Variants in ANGPT1 observed in about 807,000 individuals in gnomAD.
ANGPT1 encodes the protein angiopoietin 1.
ANGPT1 carries 17 observed loss-of-function variants against 62.2 expected under a neutral mutation model. The ratio of observed to expected loss-of-function variants is 0.27; its 90% CI spans 0.19 to 0.41. The LOEUF is 0.41. Ranked by LOEUF, ANGPT1 falls within the 10% of genes least tolerant of loss-of-function variation. The probability of loss-of-function intolerance (pLI) is 1.00; values close to 1 mark genes in which losing one functional copy is unlikely to be tolerated. For synonymous variants in ANGPT1, 199 were observed against 198.9 expected, an observed-to-expected ratio of 1.00 and a Z score of 0.00; for missense variants, 478 against 594.9, an observed-to-expected ratio of 0.80 and a Z score of 2.04.
At chr8:107,371,273 C>T (rs1816405050) in intron 1 of ANGPT1, among the ~76,000 whole-genome samples, 1 of 152,186 alleles carries the variant, frequency 6.6e-6, no homozygotes. Flanking sequence ...CTAGAGTCTA[C>T]TGATGCAATT....
At chr8:107,491,317 C>T (rs536743398) in intron 1 of ANGPT1, among the ~76,000 whole-genome samples, 7 of 152,154 alleles carry the variant, frequency 4.6e-5, no homozygotes, top group South Asian at 2.1e-4. Context: ...ACTGCATCAA[C>T]GAGATAGACA....
At chr8:107,388,788 T>C (rs1246716652) in intron 1 of ANGPT1, among the ~76,000 whole-genome samples, 4 of 152,160 alleles carry the variant, frequency 2.6e-5, no homozygotes, top group Non-Finnish European at 5.9e-5. Flanking sequence ...TCCTGTGTTA[T>C]TTTCCTGCTG....
At chr8:107,404,556 C>A (rs180698039) in intron 1 of ANGPT1, among the ~76,000 whole-genome samples, 4 of 152,022 alleles carry the variant, frequency 2.6e-5, no homozygotes, top group Admixed American at 2.6e-4. Context: ...TCTCTCTCAA[C>A]TATTTTTTAG....
intron 3 of ANGPT1, among the ~76,000 whole-genome samples, chr8:107,329,290 G>A (rs1815365349): frequency 6.6e-6 from 1 of 152,010 alleles, no homozygotes; most frequent in Admixed American, 6.6e-5. Context: ...TATGGTGTAG[G>A]GGTGTGGAAT....
intron 1 of ANGPT1, among the ~76,000 whole-genome samples, chr8:107,479,370 T>A (rs1203101746): frequency 6.6e-6 from 1 of 152,182 alleles, no homozygotes; most frequent in Non-Finnish European, 1.5e-5. Context: ...TTTACTGTTA[T>A]GCTCTTTTCC....
At chr8:107,406,930 G>A (rs899083439) in intron 1 of ANGPT1, among the ~76,000 whole-genome samples, 3 of 150,546 alleles carry the variant, frequency 2.0e-5, no homozygotes, top group Non-Finnish European at 4.4e-5. Flanking sequence ...CCTCCTTTAG[G>A]AAATTCCTTA....
chr8:107,460,443 A>T (rs1812038715), intron 1 of ANGPT1, among the ~76,000 whole-genome samples: 1 of 152,206 alleles, frequency 6.6e-6, no homozygotes, highest in African/African-American at 2.4e-5. Context: ...AATCTTTCAT[A>T]AAATAGATTG....
intron 1 of ANGPT1, among the ~76,000 whole-genome samples, chr8:107,485,330 G>T (rs763357805): frequency 2.0e-5 from 3 of 152,152 alleles, no homozygotes; most frequent in African/African-American, 4.8e-5. Flanking sequence ...ATGCAAAGGT[G>T]GGTGAAAAGA....
Position 107,293,999 on chromosome 8 carries a change from A to G in ANGPT1, c.975T>C (p.Thr325=), listed in dbSNP as rs756117544. The change falls in exon 6 of 9, where the codon ACT becomes ACC. Residue 325 remains threonine, a synonymous_variant. Transcript: ENST00000517746. ...TTCCATCTTCACGATGTTGTATTAC[A>G]GTCCAACCTCCCCCATTGACATCCA... ...CNMDVNGGGW[T]VIQHREDGSL... is the part of the protein sequence containing the mutation. The G allele has an allele frequency of 6.2e-7, 1 of 1,613,634 alleles. No individual in the cohort carries two copies.
intron 4 of ANGPT1, among the ~76,000 whole-genome samples, chr8:107,305,713 T>A (rs1007388745): frequency 2.0e-5 from 3 of 152,044 alleles, no homozygotes; most frequent in African/African-American, 7.2e-5. Context: ...AAATAGATAT[T>A]GTATTTTCTT....
chr8:107,445,899 T>A (rs533809206), intron 1 of ANGPT1, among the ~76,000 whole-genome samples: 138 of 152,268 alleles, frequency 9.1e-4, no homozygotes, highest in Admixed American at 2.1e-3. Flanking sequence ...ATGTTTATTA[T>A]TTAATTAATT....
In ANGPT1 at chr8:107,370,408, G is replaced by GAAAA. The variant is rs1554587008; in HGVS notation, c.298-23312_298-23311insTTTT. On this transcript the variant is annotated intron_variant, in intron 1 of 8. Transcript: ENST00000517746. ...AGAAAGAAAGAAAGAAAGAAAGAAA[G>GAAAA]AGTCAGGGTCAGTGGCTCAGGCCTA... Among the ~76,000 whole-genome samples, 2 of 62,338 alleles carry GAAAA rather than the reference G, an allele frequency of 3.2e-5. 1 individual carries two copies. Among genetic ancestry groups the GAAAA allele is most frequent in the Non-Finnish European group, 8.2e-5 (2 of 24,430 alleles). The allele number at this position is 62,338 out of a possible 152,430, so 40.9% of individuals were successfully genotyped here. A position where few individuals can be genotyped will look rare whatever the true frequency, so the allele number is the denominator to read the frequency against.
chr8:107,313,123 T>TA (rs1814917032), intron 4 of ANGPT1, among the ~76,000 whole-genome samples: 1 of 151,632 alleles, frequency 6.6e-6, no homozygotes, highest in African/African-American at 2.4e-5. Flanking sequence ...CGTTCACACC[T>TA]AAAAATAATT....
rs535013664 is a variant in ANGPT1, at chr8:107,358,918, C to A, written c.298-11821G>T. On this transcript the variant is annotated intron_variant, in intron 1 of 8. Transcript: ENST00000517746. ...ATTTTTAGTAAGAAATAAATTACTA[C>A]ATATAAAATCAAGGTCCCACAATCA... Among the ~76,000 whole-genome samples the A allele has an allele frequency of 2.6e-4, 39 of 152,238 alleles. No individual in the cohort carries two copies. The South Asian group carries it at 8.1e-3, about 32-fold the overall frequency.
chr8:107,343,775 C>T (rs1006994511), intron 2 of ANGPT1, among the ~76,000 whole-genome samples: 2 of 152,096 alleles, frequency 1.3e-5, no homozygotes, highest in Non-Finnish European at 2.9e-5. Context: ...CAAGGAAGTA[C>T]CCAAAGGCAG....
intron 1 of ANGPT1, among the ~76,000 whole-genome samples, chr8:107,403,544 T>A (rs1412681556): frequency 6.6e-6 from 1 of 151,802 alleles, no homozygotes; most frequent in Non-Finnish European, 1.5e-5. Flanking sequence ...ATGATAAGGG[T>A]AAAGGGAGTA....
chr8:107,484,103 C>G lies in ANGPT1; in HGVS notation c.297+13159G>C, dbSNP rs145936573. Among the ~76,000 whole-genome samples the G allele has an allele frequency of 1.8e-4, 27 of 152,294 alleles. 1 individual carries two copies. The South Asian group carries it at 5.4e-3, about 30-fold the overall frequency. ...AAACTTACAAGACATCATCATTCAT[C>G]TGAATCTCTTCCCTGCTCCCCACCA... On this transcript the variant is annotated intron_variant, in intron 1 of 8. Coordinates refer to ENST00000517746, the MANE Select transcript of ANGPT1 (RefSeq NM_001146.5).
intron 2 of ANGPT1, among the ~76,000 whole-genome samples, chr8:107,339,602 T>A (rs941298881): frequency 1.3e-5 from 2 of 152,156 alleles, no homozygotes; most frequent in East Asian, 1.9e-4. Context: ...ATTATCACTA[T>A]TGAAAACTAT....
Position 107,403,626 on chromosome 8 carries a change from G to A in ANGPT1, c.298-56529C>T, listed in dbSNP as rs140813747. Among the ~76,000 whole-genome samples the A allele has an allele frequency of 2.1e-3, 318 of 152,156 alleles. 1 individual carries two copies. Among genetic ancestry groups the A allele is most frequent in the African/African-American group, 7.1e-3 (296 of 41,534 alleles). On this transcript the variant is annotated intron_variant, in intron 1 of 8. Coordinates refer to ENST00000517746, the MANE Select transcript of ANGPT1 (RefSeq NM_001146.5). ...TATATACACCAAAATGCTAACACCTGTCTCTTTGTGATAGGATTAGAGGGA... is the reference window on the plus strand; with the variant it reads ...TATATACACCAAAATGCTAACACCTATCTCTTTGTGATAGGATTAGAGGGA...
Sources: gnomAD v4.1 joint callset for allele counts (sites outside exome capture counted in the v4.1 genomes callset) on GRCh38, gnomAD v4.1.1 for gene constraint, MANE v1.5 for transcripts, NCBI Gene and HGNC (gene_info 2026-07-23, HGNC 2026-07-21) for gene names.